Variants in ZC3H4 observed in about 807,000 individuals in gnomAD.
ZC3H4 encodes zinc finger CCCH-type containing 4, also known as zinc finger CCCH domain-containing protein 4.
ZC3H4 carries 13 observed loss-of-function variants against 108.3 expected under a neutral mutation model. The observed-to-expected ratio is 0.12, with a 90% CI of 0.08 to 0.19. The LOEUF is 0.19. Among genes scored for constraint, ZC3H4 ranks in the 10% least tolerant of loss-of-function variants. The pLI is 1.00. For synonymous variants in ZC3H4, 917 were observed against 749.6 expected (o/e 1.22, Z -3.65); for missense variants, 1,734 against 1,838.8 (o/e 0.94, Z 1.04).
At chr19:47,099,018 A>G (rs2057865800) in intron 2 of ZC3H4, among the ~76,000 whole-genome samples, 1 of 152,198 alleles carries the variant, frequency 6.6e-6, no homozygotes, top group African/African-American at 2.4e-5. Flanking sequence ...GTTAAATGAA[A>G]TAATAGGGAT....
intron 2 of ZC3H4, among the ~76,000 whole-genome samples, chr19:47,106,622 A>AAGC (rs2057971441): frequency 1.3e-5 from 2 of 152,346 alleles, no homozygotes; most frequent in South Asian, 4.1e-4. Flanking sequence ...AGTAAGCTGC[A>AAGC]AGCAGCAGCA....
Position 47,066,553 on chromosome 19 carries a change from CG to C in ZC3H4, c.3714del (p.Glu1239ArgfsTer21). 1 of 1,297,334 alleles carries C rather than the reference CG, an allele frequency of 7.7e-7. No individual in the cohort carries two copies. Among genetic ancestry groups the C allele is most frequent in the Admixed American group, 2.0e-5 (1 of 50,684 alleles). 80.4% of individuals were successfully genotyped at this position (1,297,334 alleles called of 1,614,324 possible). On this transcript the variant is annotated frameshift_variant, in exon 15 of 15. Transcript: ENST00000253048. LOFTEE classifies it high-confidence loss of function. ...APAATTATPP[P>X]EGAPPQPGVH... Reference sequence around the variant, plus strand: ...ACCCCGGGCTGGGGTGGGGCACCCTCGGGGGGTGGGGTGGCGGTGGTGGCAG... The same window carrying C: ...ACCCCGGGCTGGGGTGGGGCACCCTCGGGGGTGGGGTGGCGGTGGTGGCAG...
intron 11 of ZC3H4, among the ~76,000 whole-genome samples, chr19:47,078,440 C>G (rs749015153): frequency 6.6e-6 from 1 of 150,516 alleles, no homozygotes; most frequent in African/African-American, 2.5e-5. Flanking sequence ...GCCGAGACCA[C>G]GCCCACTGCA....
At position 47,066,647 on chromosome 19, in the gene ZC3H4, A is replaced by G; in HGVS notation, c.3621T>C (p.Asp1207=). 3 of 1,611,922 alleles carry G rather than the reference A, an allele frequency of 1.9e-6. No homozygotes were observed. Among genetic ancestry groups the G allele is most frequent in the Admixed American group, 1.7e-5 (1 of 59,942 alleles). Residue 1207 remains aspartate, a synonymous_variant, in exon 15 of 15, where the codon GAT becomes GAC. Coordinates refer to ENST00000253048, the MANE Select transcript of ZC3H4 (RefSeq NM_015168.2). ...TGTATCTGTCCGTGGGGGTGCCCCC[A>G]TCAGCACCGGCCTTCCCTGTCTCTG... ...EQPETGKAGA[D]GGTPTDRYNS...
At chr19:47,112,943 A>T (rs1023679286) in intron 1 of ZC3H4, among the ~76,000 whole-genome samples, 3 of 150,742 alleles carry the variant, frequency 2.0e-5, no homozygotes, top group Non-Finnish European at 4.4e-5. Context: ...GAGCAAGCGA[A>T]GGGTAAGGGG....
chr19:47,099,251 G>C (rs573415558), intron 2 of ZC3H4, among the ~76,000 whole-genome samples: 1 of 152,162 alleles, frequency 6.6e-6, no homozygotes, highest in Admixed American at 6.5e-5. Context: ...CCTGAGGTCG[G>C]GAGTTCAAGA....
In ZC3H4 at chr19:47,108,380, T is replaced by TACTGTA. The variant is rs1261603556; in HGVS notation, c.161+4038_161+4043dup. On this transcript the variant is annotated intron_variant, in intron 2 of 14. Transcript: ENST00000253048. Reference sequence around the variant, plus strand: ...ATTAGCAATTTTCACCAGAGGTATTTACTGTAACTGGATCTGACCTCTATG... The same window carrying TACTGTA: ...ATTAGCAATTTTCACCAGAGGTATTTACTGTAACTGTAACTGGATCTGACCTCTATG... 2.6e-5 allele frequency among the ~76,000 whole-genome samples: 4 copies of TACTGTA among 152,322 alleles called. No homozygotes were observed. The East Asian group carries it at 7.7e-4, about 29-fold the overall frequency.
intron 2 of ZC3H4, among the ~76,000 whole-genome samples, chr19:47,098,385 G>C (rs1442662476): frequency 6.6e-6 from 1 of 151,608 alleles, no homozygotes; most frequent in Non-Finnish European, 1.5e-5. Context: ...AGCTACTCAG[G>C]AGGCTGAGGC....
chr19:47,068,724 A>AG (rs2057266911), intron 14 of ZC3H4, among the ~76,000 whole-genome samples: 1 of 152,196 alleles, frequency 6.6e-6, no homozygotes, highest in Non-Finnish European at 1.5e-5. Context: ...TTCAATGACT[A>AG]GCTCTTGTTT....
chr19:47,078,377 G>A (rs1030342084), intron 11 of ZC3H4, among the ~76,000 whole-genome samples: 13 of 151,336 alleles, frequency 8.6e-5, no homozygotes, highest in African/African-American at 3.2e-4. Context: ...CCGGCACTTT[G>A]GGAGGCCAAG....
At chr19:47,092,606 CAG>C (rs2057753203) in intron 4 of ZC3H4, among the ~76,000 whole-genome samples, 3 of 151,472 alleles carry the variant, frequency 2.0e-5, no homozygotes, top group African/African-American at 7.3e-5. Flanking sequence ...CACCTGAGGT[CAG>C]GAGTTCGAGG....
chr19:47,094,722 G>A, intron 2 of ZC3H4, 114 bp from the exon 3 acceptor site: 2 of 1,006,920 alleles, frequency 2.0e-6, no homozygotes, highest in Non-Finnish European at 3.0e-6. Flanking sequence ...TGAGCGAAGT[G>A]AGACCCTGGG....
At chr19:47,107,478 G>A (rs1298993967) in intron 2 of ZC3H4, among the ~76,000 whole-genome samples, 2 of 152,066 alleles carry the variant, frequency 1.3e-5, no homozygotes, top group Non-Finnish European at 2.9e-5. Context: ...TCCACATCCT[G>A]TTGCCACCTC....
intron 2 of ZC3H4, among the ~76,000 whole-genome samples, chr19:47,099,943 G>A (rs1479235326): frequency 1.3e-5 from 2 of 152,004 alleles, no homozygotes; most frequent in African/African-American, 4.8e-5. Context: ...TTAATGTGAA[G>A]GTCAGGGTTA....
chr19:47,069,365 G>C (rs758608622), intron 13 of ZC3H4, 22 bp from the exon 14 acceptor site: 28 of 1,605,446 alleles, frequency 1.7e-5, no homozygotes, highest in South Asian at 1.4e-4. Flanking sequence ...AAGAACCGAG[G>C]GTTCATGTCG....
At chr19:47,078,441 G>GC (rs1272111196) in intron 11 of ZC3H4, among the ~76,000 whole-genome samples, 1 of 149,706 alleles carries the variant, frequency 6.7e-6, no homozygotes, top group Non-Finnish European at 1.5e-5. Context: ...CCGAGACCAC[G>GC]CCCACTGCAC....
intron 13 of ZC3H4, among the ~76,000 whole-genome samples, chr19:47,070,911 T>C (rs1456202928): frequency 6.6e-6 from 1 of 151,978 alleles, no homozygotes; most frequent in Non-Finnish European, 1.5e-5. Context: ...AGCCCTGCCT[T>C]GCACTCCAGT....
At position 47,067,432 on chromosome 19, in the gene ZC3H4, C is replaced by G; in HGVS notation, c.2836G>C (p.Gly946Arg). Residue 946 changes from glycine to arginine, a missense_variant, in exon 15 of 15, where the codon GGG becomes CGG. Transcript: ENST00000253048. The surrounding 1 kb of genome is among the most constrained non-coding windows in gnomAD (Gnocchi z 6.4). ...AVNIPLDPLP[G>R]HPLRDPRSQL... ...GACCGTGGGTCCCGCAGAGGGTGCC[C>G]GGGGAGTGGGTCCAGGGGAATGTTC... 6.2e-7 allele frequency: 1 copy of G among 1,603,178 alleles called. No individual in the cohort carries two copies. The highest frequency in any genetic ancestry group is 1.1e-5 in the South Asian group (1 of 89,634).
rs1401822098 is a variant in ZC3H4, at chr19:47,072,326, C to T, written c.1802+26G>A. 6.2e-7 allele frequency: 1 copy of T among 1,607,798 alleles called. No individual in the cohort carries two copies. Among genetic ancestry groups the T allele is most frequent in the Admixed American group, 1.7e-5 (1 of 59,456 alleles). On this transcript the variant is annotated intron_variant, in intron 12 of 14. Coordinates refer to ENST00000253048, the MANE Select transcript of ZC3H4 (RefSeq NM_015168.2). The surrounding 1 kb of genome is among the most constrained non-coding windows in gnomAD (Gnocchi z 5.6). ...CTGGGCCCAGGACAGCGCCCACTGCCTGTCACGGGGGTCCAGGGCACTCAC... is the reference window on the plus strand; with the variant it reads ...CTGGGCCCAGGACAGCGCCCACTGCTTGTCACGGGGGTCCAGGGCACTCAC...
Sources: gnomAD v4.1 joint callset for allele counts (sites outside exome capture counted in the v4.1 genomes callset) on GRCh38, gnomAD v4.1.1 for gene constraint, Gnocchi (gnomAD v3.1) non-coding constraint, MANE v1.5 for transcripts, NCBI Gene and HGNC (gene_info 2026-07-23, HGNC 2026-07-21) for gene names.